CFAP47: variants seen among roughly 807,000 people sequenced by gnomAD.
CFAP47 encodes the protein cilia- and flagella-associated protein 47.
In CFAP47, 29 loss-of-function variants were observed where a neutral mutation model predicts 148.1. That is an observed-to-expected ratio of 0.20 (90% confidence interval 0.15 to 0.27). The LOEUF (loss-of-function observed/expected upper bound fraction) is 0.27, where lower values mean the gene tolerates loss of function less well. CFAP47 is among the 10% of genes least tolerant of loss of function. The probability of loss-of-function intolerance (pLI) is 1.00; values close to 1 mark genes in which losing one functional copy is unlikely to be tolerated. For synonymous variants in CFAP47, 664 were observed against 577.3 expected (o/e 1.15, Z -2.15); for missense variants, 1,872 against 1,697.5 (o/e 1.10, Z -1.81).
At position 35,952,074 on chromosome X, in the gene CFAP47, C is replaced by T. The variant is rs183144203; in HGVS notation, c.1046+111C>T. ...TAATAGTAAAACTTGCCAGAAGGCA[C>T]AAGTCAGATTTTTCTTGTCATGGTT... is the stretch of plus-strand genomic sequence containing the variant. On this transcript the variant is annotated intron_variant, in intron 6 of 63. Coordinates refer to ENST00000378653, the MANE Select transcript of CFAP47 (RefSeq NM_001304548.2). The T allele has an allele frequency of 7.5e-6, 6 of 797,375 alleles. No individual in the cohort carries two copies. In the Admixed American group the frequency reaches 2.8e-4, roughly 37 times the overall value. The allele number at this position is 797,375 out of a possible 1,213,427, so 65.7% of individuals were successfully genotyped here. A position where few individuals can be genotyped will look rare whatever the true frequency, so the allele number is the denominator to read the frequency against.
intron 48 of CFAP47, among the ~76,000 whole-genome samples, chrX:36,250,462 A>G (rs1386684281): frequency 9.0e-6 from 1 of 110,798 alleles, no homozygotes; most frequent in Non-Finnish European, 1.9e-5. Flanking sequence ...AGTTTGATAG[A>G]AGAAATAAGT....
At chrX:36,317,105 A>G (rs1287874082) in intron 56 of CFAP47, among the ~76,000 whole-genome samples, 3 of 111,938 alleles carry the variant, frequency 2.7e-5, no homozygotes, top group African/African-American at 6.5e-5. Flanking sequence ...TGGAATTCAC[A>G]TGGTAGAATT....
intron 3 of CFAP47, among the ~76,000 whole-genome samples, chrX:35,943,412 T>G (rs1936039618): frequency 9.0e-6 from 1 of 111,680 alleles, no homozygotes; most frequent in Non-Finnish European, 1.9e-5. Context: ...AGTTATAACC[T>G]TTGTTTTTAT....
chrX:36,025,022 A>T (rs1937200517), intron 22 of CFAP47, among the ~76,000 whole-genome samples: 1 of 111,418 alleles, frequency 9.0e-6, no homozygotes, highest in South Asian at 3.8e-4. Flanking sequence ...TATTTAAATT[A>T]ACCCTGAGAG....
intron 56 of CFAP47, among the ~76,000 whole-genome samples, chrX:36,317,230 T>A (rs782460898): frequency 9.0e-6 from 1 of 111,599 alleles, no homozygotes; most frequent in Non-Finnish European, 1.9e-5. Context: ...AGGATAAGCA[T>A]GGTTTTATAC....
chrX:36,241,005 G>A (rs1285945387), intron 48 of CFAP47, among the ~76,000 whole-genome samples: 1 of 110,562 alleles, frequency 9.0e-6, no homozygotes, highest in South Asian at 4.0e-4. Context: ...GGAAAACACC[G>A]AGAGTGGATT....
rs1435352066 is a variant in CFAP47 at position 36,250,891 on chromosome X, AG to A, written c.7333-441del. On this transcript the variant is annotated intron_variant, in intron 48 of 63. Coordinates refer to ENST00000378653, the MANE Select transcript of CFAP47 (RefSeq NM_001304548.2). ...ACGCAGTAAACTGAAAGTTGGGTTT[AG>A]CCAGGGTGTGGTCAAATGCTGCTTA... Among the ~76,000 whole-genome samples the A allele has an allele frequency of 4.5e-5, 5 of 110,976 alleles. No homozygotes were observed. The East Asian group carries it at 1.4e-3, about 31-fold the overall frequency.
At chrX:36,361,256 C>A in intron 60 of CFAP47, 74 bp from the exon 61 acceptor site, 1 of 563,063 alleles carries the variant, frequency 1.8e-6, no homozygotes, top group Non-Finnish European at 2.8e-6. Flanking sequence ...CATTGTTAGT[C>A]TTGACAGGTA....
In CFAP47 at chrX:35,919,962, G is replaced by T. The variant is rs372158027; in HGVS notation, c.163G>T (p.Gly55Trp). The change falls in exon 1 of 64, where the codon GGG (glycine) becomes TGG (tryptophan). Residue 55 changes from glycine to tryptophan, a missense_variant. Coordinates refer to ENST00000378653, the MANE Select transcript of CFAP47 (RefSeq NM_001304548.2). The stretch of plus-strand genomic sequence containing the variant: ...GGTGAAGTTCCTGGACACGATGGCC[G>T]GGAGGGTGTACCGCCTCCCGATTAC... The part of the protein sequence containing the change: ...AEVKFLDTMA[G>W]RVYRLPITVH... 3 of 1,208,296 alleles carry T rather than the reference G, an allele frequency of 2.5e-6. No homozygotes were observed. The African/African-American group carries it at 5.3e-5, about 21-fold the overall frequency.
chrX:36,245,607 A>G (rs1374639563), intron 48 of CFAP47, among the ~76,000 whole-genome samples: 1 of 111,858 alleles, frequency 8.9e-6, no homozygotes, highest in African/African-American at 3.2e-5. Flanking sequence ...AAAAGTTAAA[A>G]TATCCAGGAA....
rs766167088 is a variant in CFAP47, at chrX:35,951,793, T to G, written c.886-10T>G. On this transcript the variant is annotated splice_polypyrimidine_tract_variant and intron_variant, in intron 5 of 63. Transcript: ENST00000378653. ...CTTAATACTCTTTTATATCTGACTTTATATTACAGGGTACAGATATTCAAC... is the reference window on the plus strand; with the variant it reads ...CTTAATACTCTTTTATATCTGACTTGATATTACAGGGTACAGATATTCAAC... 18 of 1,086,723 alleles carry G rather than the reference T, an allele frequency of 1.7e-5. No homozygotes were observed. The highest frequency in any genetic ancestry group is 2.1e-5 in the Non-Finnish European group (18 of 837,680). 89.6% of individuals were successfully genotyped at this position (1,086,723 alleles called of 1,213,427 possible). A position where few individuals can be genotyped will look rare whatever the true frequency, so the allele number is the denominator to read the frequency against.
intron 1 of CFAP47, among the ~76,000 whole-genome samples, chrX:35,923,104 G>T (rs1308833950): frequency 5.4e-5 from 6 of 111,159 alleles, no homozygotes; most frequent in African/African-American, 1.6e-4. Flanking sequence ...TTTTCAAGGG[G>T]TTTGTAGTCT....
chrX:36,264,977 A>T (rs1197744194), intron 49 of CFAP47, among the ~76,000 whole-genome samples: 1 of 112,139 alleles, frequency 8.9e-6, no homozygotes, highest in Non-Finnish European at 1.9e-5. Flanking sequence ...CAGAAATAAC[A>T]TTGAATCTGT....
At chrX:36,297,090 C>T (rs1169984847) in intron 51 of CFAP47, among the ~76,000 whole-genome samples, 2 of 111,856 alleles carry the variant, frequency 1.8e-5, no homozygotes, top group African/African-American at 6.5e-5. Context: ...ATAATCAACA[C>T]TGATTTCTAA....
Position 36,303,887 on chromosome X carries a change from A to G in CFAP47, c.8009A>G (p.His2670Arg), listed in dbSNP as rs1179572464. 8.7e-7 allele frequency: 1 copy of G among 1,148,856 alleles called. No homozygotes were observed. The highest frequency in any genetic ancestry group is 2.0e-5 in the South Asian group (1 of 50,914). The allele number at this position is 1,148,856 out of a possible 1,213,427, so 94.7% of individuals were successfully genotyped here. A position where few individuals can be genotyped will look rare whatever the true frequency, so the allele number is the denominator to read the frequency against. ...TQIIPLVNCT[H>R]ETLKLQVTNS... ...ATCATTCCTTTAGTTAATTGTACGC[A>G]TGAAACCTTAAAATTGCAAGTAACA... Residue 2670 changes from histidine (H) to arginine (R), a missense_variant, in exon 54 of 64, where the codon CAT becomes CGT. Coordinates refer to ENST00000378653, the MANE Select transcript of CFAP47 (RefSeq NM_001304548.2).
At chrX:36,364,901 C>CATATATATATAT (rs60748143) in intron 61 of CFAP47, among the ~76,000 whole-genome samples, 5 of 67,355 alleles carry the variant, frequency 7.4e-5, no homozygotes, top group Non-Finnish European at 9.2e-5. Context: ...ATATTTTGTG[C>CATATATATATAT]ATATATATAT....
intron 53 of CFAP47, among the ~76,000 whole-genome samples, chrX:36,302,489 G>T (rs1556007991): frequency 9.0e-6 from 1 of 111,679 alleles, no homozygotes; most frequent in African/African-American, 3.3e-5. Flanking sequence ...GTATGGTGAT[G>T]ATTCCATTCT....
intron 27 of CFAP47, 90 bp from the exon 28 acceptor site, chrX:36,071,735 T>C (rs1007725381): frequency 3.9e-6 from 3 of 778,242 alleles, no homozygotes; most frequent in Non-Finnish European, 5.6e-6. Context: ...TATACATCAA[T>C]AGATAATAGA....
chrX:36,055,426 G>A (rs1202630192), intron 26 of CFAP47, among the ~76,000 whole-genome samples: 2 of 111,201 alleles, frequency 1.8e-5, no homozygotes, highest in Non-Finnish European at 3.8e-5. Context: ...TTGTTGTTTG[G>A]TTTTCTGTTC....
Sources: allele counts gnomAD v4.1 joint callset (sites outside exome capture counted in the v4.1 genomes callset), GRCh38; gene constraint gnomAD v4.1.1; transcripts MANE v1.5; gene names NCBI Gene and HGNC (gene_info 2026-07-23, HGNC 2026-07-21).